The following ITGB5 variants were observed in gnomAD, a reference collection of about 807,000 sequenced individuals.
ITGB5 encodes integrin beta-5.
Under a neutral mutation model 84.8 loss-of-function variants are expected in ITGB5, and 38 were observed. That is an observed-to-expected ratio of 0.45 (90% CI 0.35 to 0.59). ITGB5 has a LOEUF of 0.59. ITGB5 is among the 20% of genes least tolerant of loss of function. ITGB5 has a pLI of 0.01. For missense variants in ITGB5, 905 were observed against 1,034.5 expected, an observed-to-expected ratio of 0.87 and a Z score of 1.72; for synonymous variants, 393 against 414.4, an observed-to-expected ratio of 0.95 and a Z score of 0.63.
chr3:124,836,203 A>C (rs1161247563), intron 5 of ITGB5, among the ~76,000 whole-genome samples: 2 of 120,964 alleles, frequency 1.7e-5, no homozygotes, highest in Non-Finnish European at 3.4e-5. Context: ...CTAGGTTTGG[A>C]ATGTATTATT....
intron 9 of ITGB5, among the ~76,000 whole-genome samples, chr3:124,802,594 C>T (rs545814249): frequency 5.9e-5 from 9 of 152,348 alleles, no homozygotes; most frequent in Admixed American, 1.3e-4. Flanking sequence ...GAAGGGCCCA[C>T]GCTTACTCTA....
chr3:124,774,195 C>T (rs2150936414), intron 10 of ITGB5, among the ~76,000 whole-genome samples: 1 of 152,368 alleles, frequency 6.6e-6, no homozygotes, highest in East Asian at 1.9e-4. Context: ...GGGAAGCTTC[C>T]TCCTGCTTCA....
chr3:124,831,773 A>G (rs2064863750), intron 5 of ITGB5, among the ~76,000 whole-genome samples: 1 of 152,170 alleles, frequency 6.6e-6, no homozygotes, highest in African/African-American at 2.4e-5. Context: ...AACGCAGCCC[A>G]GGGGCCCCAG....
intron 8 of ITGB5, among the ~76,000 whole-genome samples, chr3:124,813,941 G>A (rs2064544525): frequency 6.6e-6 from 1 of 152,116 alleles, no homozygotes; most frequent in Non-Finnish European, 1.5e-5. Flanking sequence ...TCCTGAGGCT[G>A]TCCAGGAGCA....
rs200661858 is a variant in ITGB5, at chr3:124,796,551, C to T, written c.1530G>A (p.Gln510=). Residue 510 remains glutamine, a synonymous_variant, in exon 10 of 15, where the codon CAG becomes CAA. Coordinates refer to ENST00000296181, the MANE Select transcript of ITGB5 (RefSeq NM_002213.5). ...TGCCCTCTGCCTCCCGGCACAGGTTCTGGTACACGCTCTGGTTCTCCCCAT... is the reference window on the plus strand; with the variant it reads ...TGCCCTCTGCCTCCCGGCACAGGTTTTGGTACACGCTCTGGTTCTCCCCAT... ...CQDGENQSVY[Q]NLCREAEGKP... is the part of the protein sequence containing the mutation. 5.0e-6 allele frequency: 8 copies of T among 1,614,152 alleles called. No homozygotes were observed. The highest frequency in any genetic ancestry group is 2.2e-5 in the East Asian group (1 of 44,876).
At chr3:124,799,994 C>T (rs2064292735) in intron 9 of ITGB5, among the ~76,000 whole-genome samples, 1 of 152,126 alleles carries the variant, frequency 6.6e-6, no homozygotes, top group African/African-American at 2.4e-5. Context: ...CCGAAGCCAC[C>T]CGTGGGGCCA....
At chr3:124,797,773 G>C (rs2064253217) in intron 9 of ITGB5, among the ~76,000 whole-genome samples, 1 of 152,110 alleles carries the variant, frequency 6.6e-6, no homozygotes, top group Non-Finnish European at 1.5e-5. Flanking sequence ...TCACCCATCA[G>C]GGCCCTGAGA....
At chr3:124,809,680 T>C (rs981417089) in intron 8 of ITGB5, among the ~76,000 whole-genome samples, 1 of 152,096 alleles carries the variant, frequency 6.6e-6, no homozygotes, top group Non-Finnish European at 1.5e-5. Context: ...CATCCATACC[T>C]ATCCCCATCA....
intron 4 of ITGB5, among the ~76,000 whole-genome samples, chr3:124,843,778 C>G (rs777613755): frequency 9.5e-4 from 145 of 152,284 alleles, no homozygotes; most frequent in East Asian, 7.7e-4. Context: ...TATCCTACCC[C>G]TCTCATGTGT....
intron 9 of ITGB5, among the ~76,000 whole-genome samples, chr3:124,803,036 G>A (rs1288470709): frequency 6.6e-6 from 1 of 152,234 alleles, no homozygotes; most frequent in African/African-American, 2.4e-5. Context: ...AAAGGTGCCG[G>A]CCTGAGCAGA....
intron 11 of ITGB5, among the ~76,000 whole-genome samples, chr3:124,772,583 T>C (rs980649672): frequency 2.7e-4 from 41 of 152,246 alleles, no homozygotes; most frequent in Non-Finnish European, 4.4e-4. Context: ...CCTTCCTCCT[T>C]AGCATGGGTA....
At chr3:124,763,845 A>C in intron 14 of ITGB5, 127 bp from the exon 15 acceptor site, 1 of 610,980 alleles carries the variant, frequency 1.6e-6, no homozygotes, top group Non-Finnish European at 3.0e-6. Flanking sequence ...AGCACTCAGG[A>C]GGAGACGGCC....
chr3:124,838,046 T>C (rs957955057), intron 5 of ITGB5, among the ~76,000 whole-genome samples: 1 of 152,168 alleles, frequency 6.6e-6, no homozygotes, highest in Non-Finnish European at 1.5e-5. Context: ...TAAGGGATAC[T>C]TAGGACTTAC....
At chr3:124,860,124 C>T (rs976367704) in intron 2 of ITGB5, among the ~76,000 whole-genome samples, 6 of 152,072 alleles carry the variant, frequency 3.9e-5, no homozygotes, top group African/African-American at 7.2e-5. Context: ...TGCTCTACTC[C>T]AAGAAACTTA....
intron 1 of ITGB5, among the ~76,000 whole-genome samples, chr3:124,879,654 G>C (rs1169505174): frequency 6.6e-6 from 1 of 152,156 alleles, no homozygotes. Context: ...TCATATAATG[G>C]AGTGCTAGAC....
intron 9 of ITGB5, among the ~76,000 whole-genome samples, chr3:124,798,548 T>C (rs1293818084): frequency 6.6e-6 from 1 of 152,028 alleles, no homozygotes; most frequent in African/African-American, 2.4e-5. Flanking sequence ...GCCTCTCAAA[T>C]AGCTGGGATT....
chr3:124,811,845 C>A (rs1646183868), intron 8 of ITGB5, among the ~76,000 whole-genome samples: 1 of 152,160 alleles, frequency 6.6e-6, no homozygotes, highest in Non-Finnish European at 1.5e-5. Context: ...GAAAAGGTGG[C>A]CTGGGACCAC....
chr3:124,766,400 C>T, intron 12 of ITGB5, 55 bp from the exon 13 acceptor site: 1 of 1,597,372 alleles, frequency 6.3e-7, no homozygotes, highest in Non-Finnish European at 8.5e-7. Flanking sequence ...CCCACAGCCA[C>T]TGATGGTCGG....
At chr3:124,885,054 T>C (rs1286098151) in intron 1 of ITGB5, among the ~76,000 whole-genome samples, 1 of 152,204 alleles carries the variant, frequency 6.6e-6, no homozygotes, top group East Asian at 1.9e-4. Flanking sequence ...TTAGATCACC[T>C]TAAGTGAGGA....
Sources: allele counts gnomAD v4.1 joint callset (sites outside exome capture counted in the v4.1 genomes callset), GRCh38; gene constraint gnomAD v4.1.1; transcripts MANE v1.5; gene names NCBI Gene and HGNC (gene_info 2026-07-23, HGNC 2026-07-21).